TRAFD1: variants seen among roughly 807,000 people sequenced by gnomAD.
TRAFD1 encodes the protein TRAF-type zinc finger domain containing 1.
A neutral mutation model predicts 65.3 loss-of-function variants in TRAFD1; 38 were observed. That is an observed-to-expected ratio of 0.58 (90% confidence interval 0.45 to 0.76). TRAFD1 has a LOEUF of 0.76. TRAFD1 is among the 30% of genes least tolerant of loss of function. TRAFD1 has a pLI of 0.00. For synonymous variants in TRAFD1, 223 were observed against 257.2 expected (o/e 0.87, Z 1.27); for missense variants, 631 against 712.6 (o/e 0.89, Z 1.30).
intron 4 of TRAFD1, 83 bp from the exon 5 acceptor site, chr12:112,140,736 A>G (rs573633802): frequency 2.0e-6 from 3 of 1,499,084 alleles, no homozygotes; most frequent in Non-Finnish European, 2.7e-6. Flanking sequence ...ATTGCAGTAG[A>G]TACTCTTGGC....
At position 112,149,831 on chromosome 12, in the gene TRAFD1, G is replaced by C; in HGVS notation, c.1239G>C (p.Glu413Asp). 1 of 1,614,168 alleles carries C rather than the reference G, an allele frequency of 6.2e-7. No individual in the cohort carries two copies. Among genetic ancestry groups the C allele is most frequent in the African/African-American group, 1.3e-5 (1 of 75,032 alleles). The change falls in exon 9 of 12, where the codon GAG becomes GAC. Residue 413 changes from glutamate (E) to aspartate (D), a missense_variant. Coordinates refer to ENST00000412615, the MANE Select transcript of TRAFD1 (RefSeq NM_006700.3). ...CTAGACTGGATTCCCAGCCTCAAGAGACCTCACCAGAGCTGCCCAGGAGGC... is the reference window on the plus strand; with the variant it reads ...CTAGACTGGATTCCCAGCCTCAAGACACCTCACCAGAGCTGCCCAGGAGGC... Reference protein sequence around the residue: ...GIPRLDSQPQETSPELPRRRV... With the variant: ...GIPRLDSQPQDTSPELPRRRV...
intron 5 of TRAFD1, chr12:112,141,443 C>G (rs1566049472): frequency 8.4e-6 from 5 of 594,524 alleles, no homozygotes; most frequent in Non-Finnish European, 1.4e-5. Flanking sequence ...TGTAAATAGC[C>G]AACACTTATA....
chr12:112,129,706 G>A (rs935563379), intron 1 of TRAFD1, among the ~76,000 whole-genome samples: 2 of 152,016 alleles, frequency 1.3e-5, no homozygotes, highest in African/African-American at 4.8e-5. Flanking sequence ...GCAGTGGCAC[G>A]ATCTTGGCTC....
intron 2 of TRAFD1, among the ~76,000 whole-genome samples, chr12:112,133,837 T>C (rs2079578545): frequency 6.6e-6 from 1 of 150,548 alleles, no homozygotes; most frequent in African/African-American, 2.5e-5. Flanking sequence ...CCCGAGTAAT[T>C]GGGATTACAG....
rs2030470101 is a variant in TRAFD1, at chr12:112,153,557, AATT to A, written c.*771_*773del. ...CTTGTTTTTATTTTACTGTTATAAT[AATT>A]ATTAACTTCCTTGTAATAGAAATAA... On this transcript the variant is annotated 3_prime_UTR_variant, in exon 12 of 12. Transcript: ENST00000412615. 6.6e-6 allele frequency: 1 copy of A among 152,166 alleles called. No individual in the cohort carries two copies. The highest frequency in any genetic ancestry group is 2.4e-5 in the African/African-American group (1 of 41,420). 9.4% of individuals were successfully genotyped at this position (152,166 alleles called of 1,614,324 possible).
rs371083063 is a variant in TRAFD1, at chr12:112,129,249, T to C, written c.-12-1262T>C. Among the ~76,000 whole-genome samples the C allele has an allele frequency of 2.1e-5, 3 of 141,528 alleles. No homozygotes were observed. The East Asian group carries it at 6.7e-4, about 32-fold the overall frequency. The allele number at this position is 141,528 out of a possible 152,430, so 92.8% of individuals were successfully genotyped here. A position where few individuals can be genotyped will look rare whatever the true frequency, so the allele number is the denominator to read the frequency against. On this transcript the variant is annotated intron_variant, in intron 1 of 11. Coordinates refer to ENST00000412615, the MANE Select transcript of TRAFD1 (RefSeq NM_006700.3). ...CAGGATCTCACTCTGTCACCCAGGC[T>C]AGGGTGCAGTGGTACAATCACTGCT...
chr12:112,134,302 G>A (rs545204850), intron 2 of TRAFD1, among the ~76,000 whole-genome samples: 5 of 143,778 alleles, frequency 3.5e-5, no homozygotes, highest in South Asian at 2.2e-4. Flanking sequence ...GAGCCACGGC[G>A]CCCGGCCAGT....
rs945154045 is a variant in TRAFD1 at position 112,152,585 on chromosome 12, G to A, written c.1692+86G>A. ...GGCTCCTGAAGTTGTAGAAGTTGTT[G>A]GGACCAGGCTGGTTGTGGTTCAAAG... On this transcript the variant is annotated intron_variant, in intron 11 of 11. Transcript: ENST00000412615. This position sits in a 1 kb window ranked among gnomAD's most constrained non-coding sequence, Gnocchi z 5.0. 3.9e-5 allele frequency: 62 copies of A among 1,596,690 alleles called. No individual in the cohort carries two copies. In the African/African-American group the frequency reaches 8.2e-4, roughly 21 times the overall value.
At chr12:112,149,492 A>G (rs943908358) in intron 8 of TRAFD1, 1 of 341,096 alleles carries the variant, frequency 2.9e-6, no homozygotes, top group Admixed American at 4.3e-5. Context: ...AAAAAAAAGA[A>G]ATAAATGTTT....
At chr12:112,151,689 C>T (rs1209778333) in intron 9 of TRAFD1, 112 bp from the exon 10 acceptor site, 25 of 1,069,304 alleles carry the variant, frequency 2.3e-5, no homozygotes, top group South Asian at 1.5e-4. Context: ...TGAGCCACCA[C>T]GCCTGGCTGA....
intron 4 of TRAFD1, among the ~76,000 whole-genome samples, chr12:112,135,293 G>A (rs2079592464): frequency 6.6e-6 from 1 of 152,142 alleles, no homozygotes; most frequent in Admixed American, 6.5e-5. Flanking sequence ...TCTCCCTTTG[G>A]AACTGAGTCT....
intron 4 of TRAFD1, among the ~76,000 whole-genome samples, chr12:112,139,559 G>C (rs1008990931): frequency 6.6e-6 from 1 of 151,814 alleles, no homozygotes; most frequent in Non-Finnish European, 1.5e-5. Flanking sequence ...GAGTAGCTGG[G>C]AGTACAGGTG....
In TRAFD1 at chr12:112,135,009, C is replaced by A. The variant is rs991604785; in HGVS notation, c.184-4C>A. 8 of 1,614,086 alleles carry A rather than the reference C, an allele frequency of 5.0e-6. No homozygotes were observed. In the African/African-American group the frequency reaches 1.1e-4, roughly 22 times the overall value. On this transcript the variant is annotated splice_region_variant and splice_polypyrimidine_tract_variant and intron_variant, in intron 3 of 11. Transcript: ENST00000412615. ...AATTTACTGATTCTCACTTCTTACT[C>A]TAGGTGACCTGCAAATGTAACAAGA...
rs1308900202 is a variant in TRAFD1 at position 112,137,897 on chromosome 12, C to T, written c.237+2831C>T. 1.3e-5 allele frequency among the ~76,000 whole-genome samples: 2 copies of T among 152,048 alleles called. No homozygotes were observed. Among genetic ancestry groups the T allele is most frequent in the African/African-American group, 4.8e-5 (2 of 41,380 alleles). ...AGATTTGTGCATTTCATTCTGTGTG[C>T]CTCAAACTGTAACAACTTGATTTTA... On this transcript the variant is annotated intron_variant, in intron 4 of 11. Transcript: ENST00000412615. The surrounding 1 kb of genome is among the most constrained non-coding windows in gnomAD (Gnocchi z 4.2).
At chr12:112,145,829 G>C (rs2030224464) in intron 7 of TRAFD1, among the ~76,000 whole-genome samples, 167 bp downstream of exon 7, 1 of 152,128 alleles carries the variant, frequency 6.6e-6, no homozygotes, top group Non-Finnish European at 1.5e-5. Context: ...TGAAAACTTA[G>C]CCTTGTTCCT....
At chr12:112,135,204 G>T (rs779816134) in intron 4 of TRAFD1, 138 bp downstream of exon 4, 11 of 993,776 alleles carry the variant, frequency 1.1e-5, no homozygotes, top group Admixed American at 8.8e-5. Context: ...CCTGTTTGAG[G>T]CCTTGACTAT....
chr12:112,135,104 G>T (rs1275170733), intron 4 of TRAFD1, 38 bp downstream of exon 4: 19 of 1,612,864 alleles, frequency 1.2e-5, no homozygotes, highest in Non-Finnish European at 1.5e-5. Flanking sequence ...GCCCAGTCCT[G>T]CTGAGATTAC....
At position 112,143,134 on chromosome 12, in the gene TRAFD1, C is replaced by T. The variant is rs532096167; in HGVS notation, c.850+839C>T. On this transcript the variant is annotated intron_variant, in intron 6 of 11. Coordinates refer to ENST00000412615, the MANE Select transcript of TRAFD1 (RefSeq NM_006700.3). ...TTCCTCTGTTGCCCAGGCTGGAGTG[C>T]AGTGGCACGATCTCGGCTCACTGCA... is the stretch of plus-strand genomic sequence containing the variant. Among the ~76,000 whole-genome samples the T allele has an allele frequency of 2.0e-5, 3 of 152,014 alleles. No homozygotes were observed. In the South Asian group the frequency reaches 6.3e-4, roughly 32 times the overall value.
chr12:112,128,545 AT>A (rs1433877944), intron 1 of TRAFD1, among the ~76,000 whole-genome samples: 1 of 152,176 alleles, frequency 6.6e-6, no homozygotes, highest in Non-Finnish European at 1.5e-5. Flanking sequence ...TAGTGAAGAA[AT>A]TTGGCAGACA....
Sources: gnomAD v4.1 joint callset for allele counts (sites outside exome capture counted in the v4.1 genomes callset) on GRCh38, gnomAD v4.1.1 for gene constraint, Gnocchi (gnomAD v3.1) non-coding constraint, MANE v1.5 for transcripts, NCBI Gene and HGNC (gene_info 2026-07-23, HGNC 2026-07-21) for gene names.